Variants in CHRM3 observed in about 807,000 individuals in gnomAD.
CHRM3 encodes muscarinic acetylcholine receptor M3.
In CHRM3, 11 loss-of-function variants were observed where a neutral mutation model predicts 41.8. That is an observed-to-expected ratio of 0.26 (90% confidence interval 0.17 to 0.44). The LOEUF (loss-of-function observed/expected upper bound fraction) is 0.44, where lower values mean the gene tolerates loss of function less well. Among genes scored for constraint, CHRM3 ranks in the 20% least tolerant of loss-of-function variants. The probability of loss-of-function intolerance (pLI) is 1.00; values close to 1 mark genes in which losing one functional copy is unlikely to be tolerated. For synonymous variants in CHRM3, 297 were observed against 301.4 expected, an observed-to-expected ratio of 0.99 and a Z score of 0.15; for missense variants, 571 against 745.4, an observed-to-expected ratio of 0.77 and a Z score of 2.72.
chr1:239,656,328 T>C (rs1672713173), intron 4 of CHRM3, among the ~76,000 whole-genome samples: 1 of 115,348 alleles, frequency 8.7e-6, no homozygotes, highest in African/African-American at 2.8e-5. Flanking sequence ...AAATATTTTT[T>C]TTTAAAAAAA....
chr1:239,876,718 A>G (rs1339765098), intron 6 of CHRM3, among the ~76,000 whole-genome samples: 1 of 152,206 alleles, frequency 6.6e-6, no homozygotes, highest in African/African-American at 2.4e-5. Flanking sequence ...AAGGGCAGGA[A>G]TAAACAGCAG....
chr1:239,874,438 C>T (rs940957493), intron 6 of CHRM3, among the ~76,000 whole-genome samples: 2 of 150,432 alleles, frequency 1.3e-5, no homozygotes, highest in Admixed American at 1.3e-4. Context: ...GATGTGAAAC[C>T]TGTGTAAACA....
At chr1:239,744,310 G>T (rs1665150219) in intron 5 of CHRM3, among the ~76,000 whole-genome samples, 1 of 152,130 alleles carries the variant, frequency 6.6e-6, no homozygotes, top group African/African-American at 2.4e-5. Flanking sequence ...AGTAAAATAT[G>T]TAGTGTACAA....
chr1:239,430,633 T>G (rs972075001), intron 1 of CHRM3, among the ~76,000 whole-genome samples: 1 of 151,738 alleles, frequency 6.6e-6, no homozygotes, highest in African/African-American at 2.4e-5. Context: ...ATCACAAGAT[T>G]TTTTCCTCTT....
intron 6 of CHRM3, among the ~76,000 whole-genome samples, chr1:239,832,830 A>G (rs540154035): frequency 2.0e-5 from 3 of 152,290 alleles, no homozygotes; most frequent in African/African-American, 7.2e-5. Context: ...TTAAAGCAAA[A>G]TTAGGAATGC....
intron 3 of CHRM3, among the ~76,000 whole-genome samples, chr1:239,565,077 C>G (rs1661224384): frequency 6.6e-6 from 1 of 152,126 alleles, no homozygotes. Context: ...TCAATATTGC[C>G]TTCTCCCCTA....
chr1:239,867,693 A>AG (rs995490181), intron 6 of CHRM3, among the ~76,000 whole-genome samples: 3 of 151,570 alleles, frequency 2.0e-5, no homozygotes, highest in Non-Finnish European at 2.9e-5. Context: ...CTCAAAAAAA[A>AG]AAAAAAGTCG....
At chr1:239,701,927 G>A (rs1660725183) in intron 5 of CHRM3, among the ~76,000 whole-genome samples, 1 of 152,006 alleles carries the variant, frequency 6.6e-6, no homozygotes, top group African/African-American at 2.4e-5. Flanking sequence ...TTTTCTCCAT[G>A]TAATTTATTT....
At chr1:239,868,897 G>T (rs1676340376) in intron 6 of CHRM3, among the ~76,000 whole-genome samples, 1 of 152,140 alleles carries the variant, frequency 6.6e-6, no homozygotes, top group African/African-American at 2.4e-5. Flanking sequence ...ATAAAATATG[G>T]ATAATAGTCT....
At chr1:239,585,256 A>G (rs1199308939) in intron 3 of CHRM3, among the ~76,000 whole-genome samples, 1 of 152,136 alleles carries the variant, frequency 6.6e-6, no homozygotes, top group Non-Finnish European at 1.5e-5. Context: ...TCTTGTGATT[A>G]TAAGTTTTCT....
At chr1:239,677,723 G>C (rs1445155500) in intron 4 of CHRM3, among the ~76,000 whole-genome samples, 3 of 152,164 alleles carry the variant, frequency 2.0e-5, no homozygotes, top group African/African-American at 7.2e-5. Flanking sequence ...TCTTACTACT[G>C]TGACACTGGC....
chr1:239,672,375 G>A (rs989693604), intron 4 of CHRM3, among the ~76,000 whole-genome samples: 40 of 152,134 alleles, frequency 2.6e-4, no homozygotes, highest in African/African-American at 9.4e-4. Flanking sequence ...CAGGAGACAA[G>A]ATGAGACCAA....
intron 2 of CHRM3, among the ~76,000 whole-genome samples, chr1:239,502,869 A>G (rs969361276): frequency 6.6e-6 from 1 of 152,188 alleles, no homozygotes; most frequent in South Asian, 2.1e-4. Flanking sequence ...TCCCTTTATG[A>G]TTAAAACTCT....
intron 6 of CHRM3, among the ~76,000 whole-genome samples, chr1:239,889,575 G>C (rs524878): frequency 6.6e-6 from 1 of 151,896 alleles, no homozygotes; most frequent in Non-Finnish European, 1.5e-5. Flanking sequence ...TTCTTGGGCC[G>C]CTTTTTGTTG....
chr1:239,700,270 C>T lies in CHRM3; in HGVS notation c.-147+21982C>T, dbSNP rs146691947. ...TTCAAAAGGATCTTGGGGCTATCAA[C>T]CTCACATCCCATCTAATATATGCCA... On this transcript the variant is annotated intron_variant, in intron 5 of 6. Transcript: ENST00000676153. Among the ~76,000 whole-genome samples the T allele has an allele frequency of 9.2e-5, 14 of 152,224 alleles. No individual in the cohort carries two copies. In the East Asian group the frequency reaches 2.7e-3, roughly 29 times the overall value.
intron 6 of CHRM3, among the ~76,000 whole-genome samples, chr1:239,835,067 G>T (rs1280845691): frequency 6.6e-6 from 1 of 152,190 alleles, no homozygotes; most frequent in African/African-American, 2.4e-5. Context: ...TTCAGGTAAT[G>T]GGGCTGTAAG....
At chr1:239,834,148 T>TCACA (rs34990180) in intron 6 of CHRM3, among the ~76,000 whole-genome samples, 26,545 of 135,072 alleles carry the variant, frequency 0.2, 2,905 homozygotes, top group East Asian at 0.38. Flanking sequence ...TAATTCCACA[T>TCACA]CACACACACA....
In CHRM3 at chr1:239,485,847, C is replaced by G. The variant is rs567604993; in HGVS notation, c.-520-6862C>G. Among the ~76,000 whole-genome samples, 34 of 152,302 alleles carry G rather than the reference C, an allele frequency of 2.2e-4. No homozygotes were observed. In the South Asian group the frequency reaches 7.1e-3, roughly 32 times the overall value. On this transcript the variant is annotated intron_variant, in intron 1 of 6. Transcript: ENST00000676153. Reference sequence around the variant, plus strand: ...TGCTCTTCCACCTAATGTTTTCTGTCAGTCGGTGATCTGCCATACTCCTTG... The same window carrying G: ...TGCTCTTCCACCTAATGTTTTCTGTGAGTCGGTGATCTGCCATACTCCTTG...
At chr1:239,889,144 A>G (rs941822185) in intron 6 of CHRM3, among the ~76,000 whole-genome samples, 4 of 152,124 alleles carry the variant, frequency 2.6e-5, no homozygotes, top group Non-Finnish European at 5.9e-5. Context: ...GGAGGAATGG[A>G]TCACCGGATC....
Sources: allele counts gnomAD v4.1 joint callset (sites outside exome capture counted in the v4.1 genomes callset), GRCh38; gene constraint gnomAD v4.1.1; transcripts MANE v1.5; gene names NCBI Gene and HGNC (gene_info 2026-07-23, HGNC 2026-07-21).